The following ABCA10 variants were observed in gnomAD, a reference collection of about 807,000 sequenced individuals.
ABCA10 encodes the protein ATP-binding cassette sub-family A member 10.
A neutral mutation model predicts 187.5 loss-of-function variants in ABCA10; 169 were observed. The ratio of observed to expected loss-of-function variants is 0.90; its 90% CI spans 0.80 to 1.02. The LOEUF (loss-of-function observed/expected upper bound fraction) is 1.02, where lower values mean the gene tolerates loss of function less well. Ranked by LOEUF, ABCA10 falls within the 50% of genes least tolerant of loss-of-function variation. The pLI, the probability that ABCA10 is intolerant of heterozygous loss-of-function variation, is 0.00. For missense variants in ABCA10, 1,727 were observed against 1,812.4 expected, an observed-to-expected ratio of 0.95 and a Z score of 0.86; for synonymous variants, 574 against 601.8, an observed-to-expected ratio of 0.95 and a Z score of 0.68.
intron 5 of ABCA10, among the ~76,000 whole-genome samples, chr17:69,221,116 G>A (rs1045540701): frequency 3.9e-5 from 6 of 152,166 alleles, no homozygotes. Flanking sequence ...GGAGTGTAAG[G>A]GGAGATAAGT....
rs747372773 is a variant in ABCA10 at position 69,148,893 on chromosome 17, C to G, written c.4566G>C (p.Leu1522=). The stretch of plus-strand genomic sequence containing the variant: ...TATCAATTTTATCATCAACATTTCC[C>G]AGCTCCTGCTCTTTACAGAGTTCTA... The part of the protein sequence containing the change: ...VFLELCKEQE[L]GNVDDKIDTT... The change falls in exon 39 of 39, where the codon CTG becomes CTC. Residue 1522 remains leucine (L), a synonymous_variant. Coordinates refer to ENST00000690296, the MANE Select transcript of ABCA10 (RefSeq NM_001377321.1). 6.2e-7 allele frequency: 1 copy of G among 1,613,668 alleles called. No individual in the cohort carries two copies. The highest frequency in any genetic ancestry group is 1.1e-5 in the South Asian group (1 of 91,058).
At chr17:69,213,297 T>C (rs748815643) in intron 9 of ABCA10, among the ~76,000 whole-genome samples, 48 of 151,388 alleles carry the variant, frequency 3.2e-4, no homozygotes, top group Admixed American at 1.3e-4. Flanking sequence ...TGTCTTTAGC[T>C]ACCAGCGGTG....
chr17:69,232,842 G>A (rs904555658), upstream of ABCA10: 2 of 152,074 alleles, frequency 1.3e-5, no homozygotes, highest in Non-Finnish European at 2.9e-5. Flanking sequence ...ATTCATGGTT[G>A]GCAGTTTTAT....
At chr17:69,171,182 C>A (rs1344916365) in intron 25 of ABCA10, among the ~76,000 whole-genome samples, 1 of 152,106 alleles carries the variant, frequency 6.6e-6, no homozygotes, top group Non-Finnish European at 1.5e-5. Flanking sequence ...CACTAGATGA[C>A]TTTTGAGACT....
intron 9 of ABCA10, among the ~76,000 whole-genome samples, chr17:69,210,089 T>TATTATC (rs1555662731): frequency 6.7e-6 from 1 of 149,644 alleles, no homozygotes; most frequent in Non-Finnish European, 1.5e-5. Context: ...ACTTTATTAT[T>TATTATC]ATTATTATTA....
At chr17:69,166,908 A>G (rs2074258497) in intron 25 of ABCA10, among the ~76,000 whole-genome samples, 1 of 152,194 alleles carries the variant, frequency 6.6e-6, no homozygotes, top group Non-Finnish European at 1.5e-5. Context: ...GATTTAACGT[A>G]GAAAAGGATA....
chr17:69,175,400 TCTTA>T lies in ABCA10; in HGVS notation c.2877+2_2877+5del. The T allele has an allele frequency of 1.2e-6, 2 of 1,602,668 alleles. No individual in the cohort carries two copies. Among genetic ancestry groups the T allele is most frequent in the Non-Finnish European group, 1.7e-6 (2 of 1,174,486 alleles). ...CTCAATCTAATTTCCTCTCTCTCCC[TCTTA>T]CTTTATAATCGCTGATGCTGCTCAT... is the stretch of plus-strand genomic sequence containing the variant. On this transcript the variant is annotated splice_donor_variant and splice_donor_5th_base_variant and intron_variant, in intron 23 of 38. Coordinates refer to ENST00000690296, the MANE Select transcript of ABCA10 (RefSeq NM_001377321.1). LOFTEE classifies it high-confidence loss of function.
At chr17:69,217,210 G>A (rs2074712889) in intron 6 of ABCA10, among the ~76,000 whole-genome samples, 1 of 151,438 alleles carries the variant, frequency 6.6e-6, no homozygotes, top group Non-Finnish European at 1.5e-5. Context: ...TCGTGCCATT[G>A]CACTCCAGCC....
intron 6 of ABCA10, among the ~76,000 whole-genome samples, chr17:69,218,336 T>C (rs1378329946): frequency 1.3e-5 from 2 of 152,120 alleles, no homozygotes; most frequent in Admixed American, 1.3e-4. Context: ...AAAAGAGTGC[T>C]GTTTTCTTAG....
At chr17:69,230,505 A>C (rs1223238808), upstream of ABCA10, among the ~76,000 whole-genome samples, 1 of 141,172 alleles carries the variant, frequency 7.1e-6, no homozygotes, top group Non-Finnish European at 1.5e-5. Context: ...GCCTTTACAT[A>C]TTTATAATTA....
chr17:69,214,714 T>C lies in ABCA10; in HGVS notation c.996A>G (p.Arg332=). Reference sequence around the variant, plus strand: ...ACACTATTAACTTACCAGGTAAAACTCGCTCAAAATATAATGTGAATATCA... The same window carrying C: ...ACACTATTAACTTACCAGGTAAAACCCGCTCAAAATATAATGTGAATATCA... ...FYLIFTLYFE[R]VLPDKDGHGD... is the part of the protein sequence containing the mutation. The change falls in exon 9 of 39, where the codon CGA becomes CGG. Residue 332 remains arginine, a synonymous_variant. Transcript: ENST00000690296. The C allele has an allele frequency of 6.6e-7, 1 of 1,505,956 alleles. No homozygotes were observed. The highest frequency in any genetic ancestry group is 8.8e-7 in the Non-Finnish European group (1 of 1,134,450). The allele number at this position is 1,505,956 out of a possible 1,614,324, so 93.3% of individuals were successfully genotyped here.
chr17:69,225,285 A>C (rs1241613046), intron 3 of ABCA10, 40 bp downstream of exon 3: 1 of 1,606,612 alleles, frequency 6.2e-7, no homozygotes, highest in South Asian at 1.1e-5. Context: ...TTGAAAATTA[A>C]GTCACATAAT....
chr17:69,160,516 A>ATTC (rs2074208317), intron 27 of ABCA10, among the ~76,000 whole-genome samples: 1 of 152,168 alleles, frequency 6.6e-6, no homozygotes, highest in South Asian at 2.1e-4. Flanking sequence ...CTGAAGCAGG[A>ATTC]GAATCACTTG....
In ABCA10 at chr17:69,164,105, A is replaced by T. The variant is rs754887385; in HGVS notation, c.3332T>A (p.Val1111Asp). ...LDSLDNRINEVNKTILLTTLI... is the reference protein window; with the variant it reads ...LDSLDNRINEDNKTILLTTLI... ...GGTTGTTAAAAGAATGGTTTTATTG[A>T]CTTCATTTATTCTATTGTCCAGACT... The change falls in exon 27 of 39, where the codon GTC (valine) becomes GAC (aspartate). Residue 1111 changes from valine (V) to aspartate (D), a missense_variant. Physicochemically the swap from Val to Asp is radical, Grantham distance 152. Transcript: ENST00000690296. 1 of 1,589,012 alleles carries T rather than the reference A, an allele frequency of 6.3e-7. No individual in the cohort carries two copies. Among genetic ancestry groups the T allele is most frequent in the Non-Finnish European group, 8.5e-7 (1 of 1,171,434 alleles).
intron 1 of ABCA10, among the ~76,000 whole-genome samples, chr17:69,237,694 T>C (rs1428067488): frequency 6.6e-6 from 1 of 152,204 alleles, no homozygotes; most frequent in Non-Finnish European, 1.5e-5. Context: ...AGTAGGTGAC[T>C]GTATTTAGAA....
At chr17:69,191,667 A>G (rs60133737) in intron 16 of ABCA10, among the ~76,000 whole-genome samples, 2 of 112,246 alleles carry the variant, frequency 1.8e-5, no homozygotes, top group Non-Finnish European at 3.8e-5. Context: ...ATGTGTGTGT[A>G]TATATACATA....
intron 9 of ABCA10, among the ~76,000 whole-genome samples, chr17:69,206,071 T>G (rs1001824315): frequency 6.6e-5 from 10 of 152,194 alleles, no homozygotes; most frequent in Admixed American, 2.0e-4. Context: ...AGCTTCATAG[T>G]AGACAGAATT....
chr17:69,197,488 G>T (rs2074514647), intron 10 of ABCA10, among the ~76,000 whole-genome samples: 1 of 152,036 alleles, frequency 6.6e-6, no homozygotes, highest in Admixed American at 6.5e-5. Context: ...AGGCAAATTT[G>T]TCAAAATAAT....
At chr17:69,241,238 C>T (rs192283701) in intron 1 of ABCA10, among the ~76,000 whole-genome samples, 124 of 152,282 alleles carry the variant, frequency 8.1e-4, no homozygotes, top group African/African-American at 2.9e-3. Flanking sequence ...TCATTGACTC[C>T]CTTTCTCCCA....
Sources: allele counts gnomAD v4.1 joint callset (sites outside exome capture counted in the v4.1 genomes callset), GRCh38; gene constraint gnomAD v4.1.1; transcripts MANE v1.5; gene names NCBI Gene and HGNC (gene_info 2026-07-23, HGNC 2026-07-21).